The following AKT3 variants were observed in gnomAD, a reference collection of about 807,000 sequenced individuals.
The protein encoded by AKT3 is RAC-gamma serine/threonine-protein kinase.
In AKT3, 15 loss-of-function variants were observed where a neutral mutation model predicts 65.3. The ratio of observed to expected loss-of-function variants is 0.23; its 90% CI spans 0.15 to 0.35. AKT3 has a LOEUF of 0.35. AKT3 is among the 10% of genes least tolerant of loss of function. The probability of loss-of-function intolerance (pLI) is 1.00; values close to 1 mark genes in which losing one functional copy is unlikely to be tolerated. For synonymous variants in AKT3, 206 were observed against 183.8 expected, an observed-to-expected ratio of 1.12 and a Z score of -0.98; for missense variants, 243 against 576.5, an observed-to-expected ratio of 0.42 and a Z score of 5.92.
chr1:243,576,834 T>C (rs1009688338), intron 8 of AKT3, among the ~76,000 whole-genome samples: 6 of 152,042 alleles, frequency 3.9e-5, no homozygotes, highest in African/African-American at 7.2e-5. Context: ...CTATTCACAA[T>C]AAACTACCAT....
intron 12 of AKT3, among the ~76,000 whole-genome samples, chr1:243,512,707 T>A (rs1337561533): frequency 6.6e-6 from 1 of 152,140 alleles, no homozygotes; most frequent in Non-Finnish European, 1.5e-5. Context: ...TGTGCTGGTT[T>A]TTTTCCCCAA....
chr1:243,646,173 T>G, intron 4 of AKT3, 136 bp from the exon 5 acceptor site: 1 of 618,248 alleles, frequency 1.6e-6, no homozygotes. Context: ...AAGCATACAC[T>G]CTCACCATCA....
chr1:243,562,646 G>A (rs1369377988), intron 10 of AKT3, among the ~76,000 whole-genome samples: 1 of 152,092 alleles, frequency 6.6e-6, no homozygotes, highest in Non-Finnish European at 1.5e-5. Context: ...CTGTCATTAT[G>A]AGGAAGTCCA....
chr1:243,640,723 A>AT (rs1680314017), intron 5 of AKT3, among the ~76,000 whole-genome samples: 1 of 152,180 alleles, frequency 6.6e-6, no homozygotes, highest in Non-Finnish European at 1.5e-5. Flanking sequence ...CAGCCCACCC[A>AT]TGTATAAGCT....
chr1:243,647,050 C>T (rs12026117), intron 4 of AKT3, among the ~76,000 whole-genome samples: 12 of 152,272 alleles, frequency 7.9e-5, no homozygotes, highest in East Asian at 5.8e-4. Context: ...AAACTACCAT[C>T]GTAATCATTT....
At chr1:243,647,963 T>G (rs1177307485) in intron 4 of AKT3, among the ~76,000 whole-genome samples, 1 of 152,030 alleles carries the variant, frequency 6.6e-6, no homozygotes, top group Non-Finnish European at 1.5e-5. Flanking sequence ...TTGTTGAATT[T>G]TTGTCAAATG....
downstream of AKT3, among the ~76,000 whole-genome samples, chr1:243,499,199 A>ATT (rs1668871810): frequency 1.3e-5 from 2 of 152,226 alleles, no homozygotes; most frequent in Non-Finnish European, 2.9e-5. Context: ...TAAAACTAAG[A>ATT]GACCTCAGTA....
At position 243,595,462 on chromosome 1, in the gene AKT3, C is replaced by G. The variant is rs1368221626; in HGVS notation, c.696+18209G>C. Among the ~76,000 whole-genome samples the G allele has an allele frequency of 2.0e-5, 3 of 151,902 alleles. No individual in the cohort carries two copies. In the South Asian group the frequency reaches 6.2e-4, roughly 32 times the overall value. ...ATTTTTTTCTTCAGTAATGAGTTAA[C>G]CTTTGCTTTCTATAACTTTTTCACT... On this transcript the variant is annotated intron_variant, in intron 8 of 13. Coordinates refer to ENST00000673466, the MANE Select transcript of AKT3 (RefSeq NM_005465.7).
intron 5 of AKT3, among the ~76,000 whole-genome samples, chr1:243,641,837 G>A (rs1680416259): frequency 6.6e-6 from 1 of 152,146 alleles, no homozygotes; most frequent in South Asian, 2.1e-4. Context: ...CTGGGAGGCT[G>A]AGTTGGGAGA....
intron 2 of AKT3, among the ~76,000 whole-genome samples, chr1:243,775,469 T>C (rs1406919922): frequency 3.9e-5 from 6 of 152,302 alleles, no homozygotes; most frequent in Admixed American, 2.0e-4. Flanking sequence ...CATGAGCCAC[T>C]GCGCCCGGCC....
At chr1:243,573,971 T>C (rs1028252568) in intron 8 of AKT3, among the ~76,000 whole-genome samples, 4 of 152,280 alleles carry the variant, frequency 2.6e-5, no homozygotes, top group East Asian at 1.9e-4. Context: ...TGTTGAAACA[T>C]GCTCAGAACA....
intron 2 of AKT3, among the ~76,000 whole-genome samples, chr1:243,707,702 C>A (rs78298534): frequency 1.6e-3 from 243 of 152,132 alleles, no homozygotes; most frequent in African/African-American, 5.7e-3. Flanking sequence ...GACATCAGGC[C>A]TTCCCCACTC....
intron 4 of AKT3, among the ~76,000 whole-genome samples, chr1:243,657,258 C>G (rs566999783): frequency 1.2e-4 from 19 of 152,128 alleles, no homozygotes; most frequent in Non-Finnish European, 2.2e-4. Flanking sequence ...TCTCTAGACA[C>G]TGAATTTGCC....
At chr1:243,764,216 CAG>C (rs748158595) in intron 2 of AKT3, among the ~76,000 whole-genome samples, 6 of 152,022 alleles carry the variant, frequency 3.9e-5, no homozygotes, top group Non-Finnish European at 5.9e-5. Flanking sequence ...ATTTTAATAA[CAG>C]ATATAAAAAT....
intron 3 of AKT3, among the ~76,000 whole-genome samples, chr1:243,666,417 T>C (rs1682785930): frequency 6.6e-6 from 1 of 152,190 alleles, no homozygotes; most frequent in South Asian, 2.1e-4. Flanking sequence ...AGTTTACCAA[T>C]ATCAAAATCC....
intron 12 of AKT3, among the ~76,000 whole-genome samples, chr1:243,515,909 G>A (rs556035300): frequency 9.9e-5 from 15 of 152,060 alleles, no homozygotes; most frequent in South Asian, 4.2e-4. Flanking sequence ...CCCGGGAGGC[G>A]GAGCTTGCCA....
At chr1:243,735,038 G>A (rs1687766850) in intron 2 of AKT3, 2 of 152,126 alleles carry the variant, frequency 1.3e-5, no homozygotes, top group Admixed American at 1.3e-4. Context: ...TAATGTGCAT[G>A]GGGCTGCCAT....
chr1:243,655,204 G>A (rs1242892216), intron 4 of AKT3, among the ~76,000 whole-genome samples: 1 of 151,946 alleles, frequency 6.6e-6, no homozygotes, highest in Non-Finnish European at 1.5e-5. Flanking sequence ...TCTAATGTGA[G>A]GTCTAGTTTG....
chr1:243,654,445 GTTA>G (rs1310538705), intron 4 of AKT3, among the ~76,000 whole-genome samples: 2 of 152,080 alleles, frequency 1.3e-5, no homozygotes, highest in Non-Finnish European at 2.9e-5. Flanking sequence ...TACTAGGTTA[GTTA>G]TTATAGGTGT....
Sources: gnomAD v4.1 joint callset for allele counts (sites outside exome capture counted in the v4.1 genomes callset) on GRCh38, gnomAD v4.1.1 for gene constraint, MANE v1.5 for transcripts, NCBI Gene and HGNC (gene_info 2026-07-23, HGNC 2026-07-21) for gene names.